NXPH1: variants seen among roughly 807,000 people sequenced by gnomAD.
The protein encoded by NXPH1 is neurexophilin 1, also known as neurexophilin-1.
In NXPH1, 5 loss-of-function variants were observed where a neutral mutation model predicts 23.7. The ratio of observed to expected loss-of-function variants is 0.21; its 90% CI spans 0.11 to 0.44. The LOEUF is 0.44. NXPH1 is among the 20% of genes least tolerant of loss of function. The pLI is 0.99. For synonymous variants in NXPH1, 144 were observed against 122.2 expected, an observed-to-expected ratio of 1.18 and a Z score of -1.18; for missense variants, 324 against 321.6, an observed-to-expected ratio of 1.01 and a Z score of -0.06.
intron 2 of NXPH1, among the ~76,000 whole-genome samples, chr7:8,528,837 A>C (rs1197714600): frequency 6.6e-6 from 1 of 152,260 alleles, no homozygotes; most frequent in Admixed American, 6.5e-5. Context: ...TATTGCTCTA[A>C]TAACAAATTT....
intron 2 of NXPH1, among the ~76,000 whole-genome samples, chr7:8,459,737 A>G (rs1196921072): frequency 1.3e-5 from 2 of 152,200 alleles, no homozygotes; most frequent in African/African-American, 2.4e-5. Flanking sequence ...AATCTAGGGG[A>G]AAAGAGTAAG....
intron 2 of NXPH1, among the ~76,000 whole-genome samples, chr7:8,713,511 T>A (rs1779828029): frequency 6.6e-6 from 1 of 152,124 alleles, no homozygotes; most frequent in Non-Finnish European, 1.5e-5. Flanking sequence ...TGCAGATTTT[T>A]TTTTTTTTGC....
chr7:8,509,409 C>T (rs1407258272), intron 2 of NXPH1, among the ~76,000 whole-genome samples: 1 of 152,080 alleles, frequency 6.6e-6, no homozygotes, highest in Admixed American at 6.6e-5. Flanking sequence ...TTAACTTGTG[C>T]CCTGTCATAG....
At chr7:8,655,292 G>A (rs950255013) in intron 2 of NXPH1, among the ~76,000 whole-genome samples, 4 of 152,034 alleles carry the variant, frequency 2.6e-5, no homozygotes, top group African/African-American at 9.7e-5. Flanking sequence ...GGCTGAGGTG[G>A]GAGAATCGCT....
chr7:8,596,195 A>C (rs1184381555), intron 2 of NXPH1, among the ~76,000 whole-genome samples: 1 of 152,100 alleles, frequency 6.6e-6, no homozygotes, highest in Admixed American at 6.6e-5. Flanking sequence ...AGTGGTTGAA[A>C]TTGGAAAGTT....
At chr7:8,517,733 A>G (rs1817708684) in intron 2 of NXPH1, among the ~76,000 whole-genome samples, 1 of 152,108 alleles carries the variant, frequency 6.6e-6, no homozygotes, top group South Asian at 2.1e-4. Flanking sequence ...TGGGGAGAGG[A>G]ACAACATTGA....
chr7:8,499,990 T>A (rs1181401209), intron 2 of NXPH1, among the ~76,000 whole-genome samples: 1 of 152,106 alleles, frequency 6.6e-6, no homozygotes, highest in Non-Finnish European at 1.5e-5. Context: ...TTTGTATGGA[T>A]TCTGTGTACT....
At chr7:8,452,759 G>T (rs1175742641) in intron 2 of NXPH1, among the ~76,000 whole-genome samples, 1 of 152,142 alleles carries the variant, frequency 6.6e-6, no homozygotes, top group Non-Finnish European at 1.5e-5. Context: ...TAGGATTATA[G>T]AAGTTGGTGC....
intron 2 of NXPH1, among the ~76,000 whole-genome samples, chr7:8,683,452 G>C (rs758474200): frequency 6.6e-6 from 1 of 152,076 alleles, no homozygotes; most frequent in Non-Finnish European, 1.5e-5. Context: ...AATTTTCTAT[G>C]ATACTTGTCA....
chr7:8,677,887 T>C (rs1366607512), intron 2 of NXPH1, among the ~76,000 whole-genome samples: 1 of 152,040 alleles, frequency 6.6e-6, no homozygotes, highest in East Asian at 1.9e-4. Flanking sequence ...GTAATTAGAT[T>C]ACATTACCAA....
rs766533036 is a variant in NXPH1 at position 8,751,050 on chromosome 7, C to G, written c.97C>G (p.Leu33Val). ...AACGAACGGTGGAAAGTCAGAACTT[C>G]TGAAATCAGGAAGCAGCAAATCCAC... ...NLTNGGKSEL[L>V]KSGSSKSTLK... is the part of the protein sequence containing the mutation. Residue 33 changes from leucine (L) to valine (V), a missense_variant, in exon 3 of 3, where the codon CTG (leucine) becomes GTG (valine). By Grantham distance (32) the Leu-to-Val change is conservative. Transcript: ENST00000405863. This position sits in a 1 kb window ranked among gnomAD's most constrained non-coding sequence, Gnocchi z 4.5. 2 of 1,613,828 alleles carry G rather than the reference C, an allele frequency of 1.2e-6. No individual in the cohort carries two copies. The highest frequency in any genetic ancestry group is 1.7e-4 in the Middle Eastern group (1 of 6,060).
chr7:8,487,007 T>C (rs775916510), intron 2 of NXPH1, among the ~76,000 whole-genome samples: 5 of 152,166 alleles, frequency 3.3e-5, no homozygotes, highest in African/African-American at 4.8e-5. Context: ...ATATTATGCA[T>C]ATAAGAACAA....
intron 2 of NXPH1, among the ~76,000 whole-genome samples, chr7:8,627,784 G>T (rs758505039): frequency 2.6e-5 from 4 of 152,038 alleles, no homozygotes; most frequent in Non-Finnish European, 4.4e-5. Context: ...CTGCTAGAGA[G>T]TGTATTCAAA....
chr7:8,737,311 C>T (rs139413595), intron 2 of NXPH1, among the ~76,000 whole-genome samples: 17 of 152,092 alleles, frequency 1.1e-4, no homozygotes, highest in Non-Finnish European at 1.6e-4. Context: ...CAGGAGCTCT[C>T]GTAAGGCAGG....
intron 2 of NXPH1, among the ~76,000 whole-genome samples, chr7:8,663,482 A>G (rs1050312987): frequency 6.6e-6 from 1 of 152,090 alleles, no homozygotes; most frequent in Admixed American, 6.6e-5. Context: ...CGGCATTTTC[A>G]TCTAAAATTA....
chr7:8,513,911 T>G (rs919197686), intron 2 of NXPH1, among the ~76,000 whole-genome samples: 1 of 152,104 alleles, frequency 6.6e-6, no homozygotes, highest in African/African-American at 2.4e-5. Flanking sequence ...ATCAAGATGT[T>G]GGCAAGGTTG....
At chr7:8,700,254 A>G (rs996592638) in intron 2 of NXPH1, among the ~76,000 whole-genome samples, 1 of 152,188 alleles carries the variant, frequency 6.6e-6, no homozygotes, top group Middle Eastern at 3.2e-3. Flanking sequence ...ATATTGCCTA[A>G]GAAGGAGGTT....
chr7:8,554,907 G>A (rs2128620073), intron 2 of NXPH1, among the ~76,000 whole-genome samples: 2 of 151,762 alleles, frequency 1.3e-5, no homozygotes, highest in South Asian at 4.2e-4. Flanking sequence ...AGAATTTTAG[G>A]AGGGATATCA....
At chr7:8,556,693 T>A (rs1356709827) in intron 2 of NXPH1, among the ~76,000 whole-genome samples, 1 of 151,736 alleles carries the variant, frequency 6.6e-6, no homozygotes, top group East Asian at 2.0e-4. Flanking sequence ...GTTTTAAACA[T>A]AGGTATTTGG....
Sources: allele counts gnomAD v4.1 joint callset (sites outside exome capture counted in the v4.1 genomes callset), GRCh38; gene constraint gnomAD v4.1.1; non-coding constraint Gnocchi (gnomAD v3.1); transcripts MANE v1.5; gene names NCBI Gene and HGNC (gene_info 2026-07-23, HGNC 2026-07-21).